Variants in MAP2 observed in about 807,000 individuals in gnomAD.
MAP2 encodes the protein microtubule associated protein 2.
In MAP2, 14 loss-of-function variants were observed where a neutral mutation model predicts 137.6. The observed-to-expected ratio is 0.10, with a 90% confidence interval of 0.07 to 0.16. The LOEUF (loss-of-function observed/expected upper bound fraction) is 0.16. Ranked by LOEUF, MAP2 falls within the 10% of genes least tolerant of loss-of-function variation. MAP2 has a pLI of 1.00. For synonymous variants in MAP2, 786 were observed against 782.3 expected (o/e 1.00, Z -0.08); for missense variants, 2,088 against 2,191.5 (o/e 0.95, Z 0.94).
intron 1 of MAP2, among the ~76,000 whole-genome samples, chr2:209,459,303 G>A (rs1275845720): frequency 6.6e-6 from 1 of 152,184 alleles, no homozygotes; most frequent in Non-Finnish European, 1.5e-5. Flanking sequence ...AGTCAGTGAA[G>A]TGAGACATGG....
chr2:209,561,943 G>A lies in MAP2; in HGVS notation c.-171-18093G>A, dbSNP rs140642316. 2.0e-3 allele frequency among the ~76,000 whole-genome samples: 299 copies of A among 152,198 alleles called. No individual in the cohort carries two copies. In the Middle Eastern group the frequency reaches 0.024, roughly 12 times the overall value. On this transcript the variant is annotated intron_variant, in intron 2 of 15. Transcript: ENST00000682079. ...CAAAAATATAATGATATAGTTCTCC[G>A]CAAGTAGCTAACTCTGGTAGTACTG...
chr2:209,616,629 A>G (rs1449349115), intron 3 of MAP2, among the ~76,000 whole-genome samples: 2 of 152,124 alleles, frequency 1.3e-5, no homozygotes, highest in Non-Finnish European at 2.9e-5. Context: ...CTGTTCATTC[A>G]TTGGTTGAAT....
chr2:209,612,953 C>T (rs1392656824), intron 3 of MAP2, among the ~76,000 whole-genome samples: 1 of 152,100 alleles, frequency 6.6e-6, no homozygotes, highest in Non-Finnish European at 1.5e-5. Flanking sequence ...AGTGTTATTT[C>T]AAAGTTATAT....
intron 1 of MAP2, among the ~76,000 whole-genome samples, chr2:209,488,962 G>A (rs1276710256): frequency 6.6e-6 from 1 of 152,176 alleles, no homozygotes; most frequent in African/African-American, 2.4e-5. Flanking sequence ...GCCTCCTCAA[G>A]TGGGTCCCTG....
intron 4 of MAP2, among the ~76,000 whole-genome samples, chr2:209,642,687 C>A (rs2153580903): frequency 1.3e-5 from 2 of 152,242 alleles, no homozygotes; most frequent in South Asian, 4.1e-4. Flanking sequence ...ATTTTACAAT[C>A]AGCCTGAAAT....
At chr2:209,618,410 T>A (rs1450171801) in intron 3 of MAP2, among the ~76,000 whole-genome samples, 1 of 152,162 alleles carries the variant, frequency 6.6e-6, no homozygotes, top group Non-Finnish European at 1.5e-5. Context: ...ATTTTGTCAT[T>A]TTGAAAAAAT....
rs187179450 is a variant in MAP2 at position 209,691,200 on chromosome 2, T to C, written c.455-1425T>C. 5.9e-5 allele frequency among the ~76,000 whole-genome samples: 9 copies of C among 152,296 alleles called. No homozygotes were observed. The East Asian group carries it at 1.7e-3, about 29-fold the overall frequency. On this transcript the variant is annotated intron_variant, in intron 7 of 15. Coordinates refer to ENST00000682079, the MANE Select transcript of MAP2 (RefSeq NM_001375505.1). The stretch of plus-strand genomic sequence containing the variant: ...TGCTAATACATGTATATTTTTGTTT[T>C]TATTTTGGGGACAGCAATTCATATG...
chr2:209,715,322 A>G (rs2067121510), intron 13 of MAP2, among the ~76,000 whole-genome samples: 2 of 152,178 alleles, frequency 1.3e-5, no homozygotes, highest in Admixed American at 1.3e-4. Context: ...GTCTCCTATT[A>G]CTTTGATAAT....
chr2:209,451,689 T>C (rs1237059740), intron 1 of MAP2, among the ~76,000 whole-genome samples: 1 of 152,218 alleles, frequency 6.6e-6, no homozygotes, highest in Non-Finnish European at 1.5e-5. Context: ...AAACAGGGCT[T>C]TAGTGTTTAA....
intron 3 of MAP2, among the ~76,000 whole-genome samples, chr2:209,584,801 A>G (rs1241389039): frequency 6.6e-6 from 1 of 152,140 alleles, no homozygotes; most frequent in Non-Finnish European, 1.5e-5. Context: ...AAGTTCATAT[A>G]CAGAGTAGAA....
chr2:209,624,170 A>C (rs754722761), intron 3 of MAP2, among the ~76,000 whole-genome samples: 2 of 152,176 alleles, frequency 1.3e-5, no homozygotes, highest in Non-Finnish European at 2.9e-5. Flanking sequence ...AATAGGTGTC[A>C]GAGTTTGAGT....
chr2:209,451,876 T>C (rs776565992), intron 1 of MAP2, among the ~76,000 whole-genome samples: 8 of 152,198 alleles, frequency 5.3e-5, no homozygotes, highest in Non-Finnish European at 1.2e-4. Context: ...ATCCTCTCTC[T>C]ACTCTCACAA....
intron 10 of MAP2, among the ~76,000 whole-genome samples, chr2:209,697,970 T>C (rs1263932010): frequency 6.6e-6 from 1 of 151,728 alleles, no homozygotes; most frequent in Non-Finnish European, 1.5e-5. Context: ...TGCCTCAGCC[T>C]CCGGAGTAGC....
Position 209,678,555 on chromosome 2 carries a change from G to T in MAP2, c.263-17G>T. The T allele has an allele frequency of 7.7e-7, 1 of 1,305,226 alleles. No homozygotes were observed. Among genetic ancestry groups the T allele is most frequent in the Non-Finnish European group, 1.1e-6 (1 of 937,140 alleles). The allele number at this position is 1,305,226 out of a possible 1,614,324, so 80.9% of individuals were successfully genotyped here. A position where few individuals can be genotyped will look rare whatever the true frequency, so the allele number is the denominator to read the frequency against. ...ACTTCTCATCGTTATATTTTATTTTGTTACTGTTTATTACAGAGGAGGTGT... is the reference window on the plus strand; with the variant it reads ...ACTTCTCATCGTTATATTTTATTTTTTTACTGTTTATTACAGAGGAGGTGT... On this transcript the variant is annotated splice_polypyrimidine_tract_variant and intron_variant, in intron 5 of 15. Coordinates refer to ENST00000682079, the MANE Select transcript of MAP2 (RefSeq NM_001375505.1).
chr2:209,662,218 A>T (rs969505953), intron 5 of MAP2, among the ~76,000 whole-genome samples: 1 of 152,216 alleles, frequency 6.6e-6, no homozygotes, highest in Non-Finnish European at 1.5e-5. Context: ...ATATTTAAAA[A>T]CTGAGGTTAA....
At chr2:209,485,113 T>A (rs2058215282) in intron 1 of MAP2, among the ~76,000 whole-genome samples, 1 of 152,214 alleles carries the variant, frequency 6.6e-6, no homozygotes, top group Non-Finnish European at 1.5e-5. Flanking sequence ...TGGCACTAGA[T>A]TCATCAAATG....
intron 5 of MAP2, among the ~76,000 whole-genome samples, chr2:209,656,351 A>G (rs1267683841): frequency 6.6e-6 from 1 of 151,154 alleles, no homozygotes; most frequent in Non-Finnish European, 1.5e-5. Flanking sequence ...CCTCATCTCC[A>G]AAAAAAAATT....
intron 2 of MAP2, among the ~76,000 whole-genome samples, chr2:209,527,870 T>C (rs1419656829): frequency 6.6e-6 from 1 of 152,170 alleles, no homozygotes; most frequent in Non-Finnish European, 1.5e-5. Flanking sequence ...GATGCTGAAG[T>C]TTGAGAACCA....
rs1415283860 is a variant in MAP2 at position 209,665,336 on chromosome 2, C to T, written c.262+11904C>T. Among the ~76,000 whole-genome samples the T allele has an allele frequency of 4.6e-5, 7 of 152,108 alleles. No individual in the cohort carries two copies. In the East Asian group the frequency reaches 5.8e-4, roughly 13 times the overall value. ...CTAGTGGTTAAGAAATACATAGATA[C>T]AGAAAAATTTTTCATGTTCATTTCT... is the stretch of plus-strand genomic sequence containing the variant. On this transcript the variant is annotated intron_variant, in intron 5 of 15. Transcript: ENST00000682079.
Sources: allele counts gnomAD v4.1 joint callset (sites outside exome capture counted in the v4.1 genomes callset), GRCh38; gene constraint gnomAD v4.1.1; transcripts MANE v1.5; gene names NCBI Gene and HGNC (gene_info 2026-07-23, HGNC 2026-07-21).